The following SLC4A10 variants were observed in gnomAD, a reference collection of about 807,000 sequenced individuals.
SLC4A10 encodes the protein sodium-driven chloride bicarbonate exchanger.
A neutral mutation model predicts 137.7 loss-of-function variants in SLC4A10; 42 were observed. The ratio of observed to expected loss-of-function variants is 0.30; its 90% CI spans 0.24 to 0.39. The LOEUF (loss-of-function observed/expected upper bound fraction) is 0.39. Among genes scored for constraint, SLC4A10 ranks in the 10% least tolerant of loss-of-function variants. The probability of loss-of-function intolerance (pLI) is 1.00; values close to 1 mark genes in which losing one functional copy is unlikely to be tolerated. For missense variants in SLC4A10, 925 were observed against 1,355.0 expected (o/e 0.68, Z 4.98); for synonymous variants, 474 against 464.1 (o/e 1.02, Z -0.27).
At position 161,817,979 on chromosome 2, in the gene SLC4A10, A is replaced by T. The variant is rs376426291; in HGVS notation, c.277+13384A>T. Among the ~76,000 whole-genome samples the T allele has an allele frequency of 2.7e-5, 4 of 149,244 alleles. No homozygotes were observed. The South Asian group carries it at 8.6e-4, about 32-fold the overall frequency. Reference sequence around the variant, plus strand: ...GTGATGTGGGTTCTTTTTTGGTTCCATATGAACTTTAAAGCAGTTTTTTCC... The same window carrying T: ...GTGATGTGGGTTCTTTTTTGGTTCCTTATGAACTTTAAAGCAGTTTTTTCC... On this transcript the variant is annotated intron_variant, in intron 3 of 26. Coordinates refer to ENST00000446997, the MANE Select transcript of SLC4A10 (RefSeq NM_001178015.2).
At chr2:161,945,182 GTATATATATATATATATATA>G (rs56159201) in intron 16 of SLC4A10, among the ~76,000 whole-genome samples, 1,405 of 88,840 alleles carry the variant, frequency 0.016, 24 homozygotes, top group Admixed American at 0.026. Context: ...AAGTTTGTGT[GTATATATATATATATATATA>G]TATATATATA....
intron 1 of SLC4A10, among the ~76,000 whole-genome samples, chr2:161,759,331 T>G (rs2050002493): frequency 6.6e-6 from 1 of 152,008 alleles, no homozygotes; most frequent in Non-Finnish European, 1.5e-5. Flanking sequence ...GTGTTGTGTG[T>G]GGTGCGAACA....
At chr2:161,659,899 C>G (rs1367865940) in intron 1 of SLC4A10, among the ~76,000 whole-genome samples, 1 of 152,084 alleles carries the variant, frequency 6.6e-6, no homozygotes, top group Non-Finnish European at 1.5e-5. Context: ...AGAAGCCAGT[C>G]ACAAAAGACC....
At position 161,836,528 on chromosome 2, in the gene SLC4A10, GAGAGAAAGAAAGAAAGAAAGAA is replaced by G. The variant is rs1312038364; in HGVS notation, c.278-3257_278-3236del. ...AAAAAGAAAGAAAGAAAGAGAGAGA[GAGAGAAAGAAAGAAAGAAAGAA>G]AGAAAGAAAGAAAGAAAGAAAGAAA... On this transcript the variant is annotated intron_variant, in intron 3 of 26. Transcript: ENST00000446997. Among the ~76,000 whole-genome samples the G allele has an allele frequency of 2.3e-3, 193 of 83,726 alleles. 4 individuals carry two copies. The highest frequency in any genetic ancestry group is 9.3e-3 in the African/African-American group (158 of 16,974). 54.9% of individuals were successfully genotyped at this position (83,726 alleles called of 152,430 possible).
chr2:161,667,662 A>G (rs2039214409), intron 1 of SLC4A10, among the ~76,000 whole-genome samples: 1 of 151,646 alleles, frequency 6.6e-6, no homozygotes, highest in South Asian at 2.1e-4. Context: ...GAGAAAATAT[A>G]TTTATATATT....
intron 1 of SLC4A10, among the ~76,000 whole-genome samples, chr2:161,645,287 C>T (rs2035882431): frequency 6.6e-6 from 1 of 151,632 alleles, no homozygotes; most frequent in Admixed American, 6.6e-5. Context: ...CTATGGAAAT[C>T]TTATTAAAAA....
chr2:161,704,576 A>G (rs1395429567), intron 1 of SLC4A10, among the ~76,000 whole-genome samples: 2 of 151,616 alleles, frequency 1.3e-5, no homozygotes, highest in Non-Finnish European at 3.0e-5. Flanking sequence ...TATTTATAAG[A>G]TGAGTCATAT....
At chr2:161,788,410 C>A (rs1365709739) in intron 2 of SLC4A10, among the ~76,000 whole-genome samples, 2 of 151,798 alleles carry the variant, frequency 1.3e-5, no homozygotes, top group Non-Finnish European at 2.9e-5. Flanking sequence ...AATCCACTCA[C>A]CCTCAGGCAG....
intron 10 of SLC4A10, among the ~76,000 whole-genome samples, chr2:161,891,045 T>C (rs1434478855): frequency 6.6e-6 from 1 of 152,108 alleles, no homozygotes; most frequent in Non-Finnish European, 1.5e-5. Flanking sequence ...ATTTCTCCTT[T>C]GCTTATGAAG....
chr2:161,723,363 C>G (rs1559111510), intron 1 of SLC4A10, among the ~76,000 whole-genome samples: 2 of 152,158 alleles, frequency 1.3e-5, no homozygotes, highest in Non-Finnish European at 2.9e-5. Context: ...CTCCGTGGGT[C>G]ACGCCAACTG....
At chr2:161,874,854 G>A (rs1466715805) in intron 8 of SLC4A10, among the ~76,000 whole-genome samples, 2 of 152,150 alleles carry the variant, frequency 1.3e-5, no homozygotes, top group African/African-American at 2.4e-5. Flanking sequence ...TTACAATTTC[G>A]TTGTGAAGAT....
At chr2:161,829,165 T>C (rs554255705) in intron 3 of SLC4A10, among the ~76,000 whole-genome samples, 4 of 152,090 alleles carry the variant, frequency 2.6e-5, no homozygotes, top group African/African-American at 4.8e-5. Context: ...TTTACCCTTA[T>C]AGCACTAAGC....
intron 15 of SLC4A10, among the ~76,000 whole-genome samples, chr2:161,921,717 C>G (rs1044972724): frequency 2.0e-5 from 3 of 152,182 alleles, no homozygotes; most frequent in Non-Finnish European, 4.4e-5. Flanking sequence ...GAGGCTCCAA[C>G]AGGTTAAATA....
At chr2:161,697,332 G>C (rs1012163883) in intron 1 of SLC4A10, among the ~76,000 whole-genome samples, 3 of 152,060 alleles carry the variant, frequency 2.0e-5, no homozygotes, top group Admixed American at 6.6e-5. Flanking sequence ...TGTCAATTTT[G>C]GCTTTTGTTG....
At chr2:161,956,384 C>T (rs189381523) in intron 19 of SLC4A10, among the ~76,000 whole-genome samples, 9 of 152,250 alleles carry the variant, frequency 5.9e-5, no homozygotes, top group African/African-American at 1.9e-4. Flanking sequence ...AAAGCAGTCA[C>T]TAAAAATTAA....
At position 161,919,881 on chromosome 2, in the gene SLC4A10, G is replaced by A. The variant is rs370148713; in HGVS notation, c.1997+13994G>A. On this transcript the variant is annotated intron_variant, in intron 15 of 26. Transcript: ENST00000446997. ...AGACCTAGGAGTTCTCTGAGGCATGGCTGTGACACCCTCTTTGGGGCTCTG... is the reference window on the plus strand; with the variant it reads ...AGACCTAGGAGTTCTCTGAGGCATGACTGTGACACCCTCTTTGGGGCTCTG... Among the ~76,000 whole-genome samples the A allele has an allele frequency of 1.6e-4, 24 of 152,296 alleles. 3 individuals are homozygous for A. The South Asian group carries it at 4.8e-3, about 30-fold the overall frequency.
Position 161,871,349 on chromosome 2 carries a change from T to C in SLC4A10, c.767-944T>C, listed in dbSNP as rs186828199. Among the ~76,000 whole-genome samples, 28 of 151,986 alleles carry C rather than the reference T, an allele frequency of 1.8e-4. No homozygotes were observed. In the East Asian group the frequency reaches 4.6e-3, roughly 25 times the overall value. On this transcript the variant is annotated intron_variant, in intron 6 of 26. Coordinates refer to ENST00000446997, the MANE Select transcript of SLC4A10 (RefSeq NM_001178015.2). ...AGTATTTTGAGTCATTGAGTTATTATCATAAATATGAGCAAGGCTTCAGAG... is the reference window on the plus strand; with the variant it reads ...AGTATTTTGAGTCATTGAGTTATTACCATAAATATGAGCAAGGCTTCAGAG...
intron 11 of SLC4A10, among the ~76,000 whole-genome samples, chr2:161,899,721 G>T (rs142225521): frequency 7.9e-5 from 12 of 152,042 alleles, no homozygotes; most frequent in Admixed American, 2.0e-4. Flanking sequence ...TTTCCTAGGT[G>T]ATTGGGAAGT....
chr2:161,635,362 G>T (rs2034241174), intron 1 of SLC4A10, among the ~76,000 whole-genome samples: 1 of 152,018 alleles, frequency 6.6e-6, no homozygotes. Flanking sequence ...TAAAGCTTTG[G>T]CTAACTTGCT....
Sources: gnomAD v4.1 joint callset for allele counts (sites outside exome capture counted in the v4.1 genomes callset) on GRCh38, gnomAD v4.1.1 for gene constraint, MANE v1.5 for transcripts, NCBI Gene and HGNC (gene_info 2026-07-23, HGNC 2026-07-21) for gene names.